Variants in NLRP12 observed in about 807,000 individuals in gnomAD.
The protein encoded by NLRP12 is NLR family pyrin domain containing 12.
In NLRP12, 108 loss-of-function variants were observed where a neutral mutation model predicts 91.2. That is an observed-to-expected ratio of 1.18 (90% CI 1.01 to 1.39). The LOEUF (loss-of-function observed/expected upper bound fraction) is 1.39. Ranked by LOEUF, NLRP12 falls within the 40% of genes most tolerant of loss-of-function variation. The pLI, the probability that NLRP12 is intolerant of heterozygous loss-of-function variation, is 0.00. For missense variants in NLRP12, 1,530 were observed against 1,352.7 expected, an observed-to-expected ratio of 1.13 and a Z score of -2.06; for synonymous variants, 613 against 566.7, an observed-to-expected ratio of 1.08 and a Z score of -1.16.
At chr19:53,823,451 T>A (rs1326119810) in intron 1 of NLRP12, among the ~76,000 whole-genome samples, 11 of 25,338 alleles carry the variant, frequency 4.3e-4, no homozygotes, top group African/African-American at 1.5e-3. Flanking sequence ...ATGTTTTAAA[T>A]ATATATTTTA....
rs1294992079 is a variant in NLRP12, at chr19:53,809,530, A to AAAC, written c.2072+56_2072+57insGTT. 8.1e-6 allele frequency: 11 copies of AAAC among 1,363,064 alleles called. No homozygotes were observed. In the East Asian group the frequency reaches 1.5e-4, roughly 19 times the overall value. The allele number at this position is 1,363,064 out of a possible 1,614,324, so 84.4% of individuals were successfully genotyped here. A position where few individuals can be genotyped will look rare whatever the true frequency, so the allele number is the denominator to read the frequency against. The stretch of plus-strand genomic sequence containing the variant: ...TAGGCAACAGAGCAAAAAAAAAAAA[A>AAAC]AAAAAAAAAAACACACGAACCTAAG... On this transcript the variant is annotated intron_variant, in intron 3 of 9. Transcript: ENST00000324134.
At chr19:53,822,265 T>G (rs1369630629) in intron 1 of NLRP12, among the ~76,000 whole-genome samples, 3 of 152,128 alleles carry the variant, frequency 2.0e-5, no homozygotes, top group East Asian at 1.9e-4. Flanking sequence ...GATATAGATG[T>G]GTGTGTACGT....
At chr19:53,798,092 G>T in intron 8 of NLRP12, 151 bp downstream of exon 8, 1 of 964,648 alleles carries the variant, frequency 1.0e-6, no homozygotes, top group Non-Finnish European at 1.6e-6. Context: ...AGTTCAGAGA[G>T]ACTTCCTGTC....
At chr19:53,818,534 G>T (rs1023025269) in intron 1 of NLRP12, among the ~76,000 whole-genome samples, 1 of 151,640 alleles carries the variant, frequency 6.6e-6, no homozygotes, top group African/African-American at 2.4e-5. Context: ...GCGTGGTGGC[G>T]GGTGCCTGTA....
chr19:53,817,939 C>T (rs990395631), intron 1 of NLRP12, among the ~76,000 whole-genome samples: 11 of 150,928 alleles, frequency 7.3e-5, no homozygotes, highest in African/African-American at 2.4e-4. Context: ...TGTACAACCA[C>T]GACCAGCTAA....
At chr19:53,805,175 G>A in intron 5 of NLRP12, 105 bp downstream of exon 5, 1 of 1,244,820 alleles carries the variant, frequency 8.0e-7, no homozygotes. Context: ...TTAAGGGCCA[G>A]CCCTGATTTA....
chr19:53,800,738 A>G (rs993247417), intron 7 of NLRP12, among the ~76,000 whole-genome samples: 2 of 152,030 alleles, frequency 1.3e-5, no homozygotes, highest in South Asian at 4.1e-4. Flanking sequence ...ATGCACCACC[A>G]TGCCTGGCTA....
intron 2 of NLRP12, among the ~76,000 whole-genome samples, chr19:53,812,382 C>T (rs903755438): frequency 6.7e-6 from 1 of 149,600 alleles, no homozygotes; most frequent in Non-Finnish European, 1.5e-5. Context: ...CACTGCACTC[C>T]AGCCTGGGCG....
chr19:53,806,812 T>G (rs1330541428), intron 4 of NLRP12, among the ~76,000 whole-genome samples: 12 of 149,514 alleles, frequency 8.0e-5, no homozygotes, highest in Non-Finnish European at 1.5e-5. Flanking sequence ...GAGCCATGAT[T>G]GTGCCACTGC....
intron 3 of NLRP12, among the ~76,000 whole-genome samples, chr19:53,809,142 C>T (rs888040754): frequency 7.9e-5 from 12 of 151,166 alleles, no homozygotes; most frequent in African/African-American, 2.9e-4. Context: ...AGGAGAATCG[C>T]TTGAACCCGG....
intron 1 of NLRP12, among the ~76,000 whole-genome samples, chr19:53,816,959 A>G (rs1344280330): frequency 2.0e-5 from 3 of 151,998 alleles, no homozygotes; most frequent in Admixed American, 2.0e-4. Context: ...TTGAATGCAC[A>G]TCAGTGTAAA....
intron 1 of NLRP12, among the ~76,000 whole-genome samples, chr19:53,820,250 C>T (rs530536514): frequency 4.6e-5 from 7 of 152,164 alleles, no homozygotes; most frequent in African/African-American, 1.7e-4. Context: ...ACAGCTCAAG[C>T]AGGGTGCAGT....
At chr19:53,797,226 G>A (rs1750360812) in intron 8 of NLRP12, among the ~76,000 whole-genome samples, 1 of 151,922 alleles carries the variant, frequency 6.6e-6, no homozygotes, top group Admixed American at 6.6e-5. Flanking sequence ...CCACCTCCTG[G>A]GTTCAAGTGA....
Position 53,805,223 on chromosome 19 carries a change from T to C in NLRP12, c.2414+57A>G, listed in dbSNP as rs769008882. 1.3e-4 allele frequency: 203 copies of C among 1,553,264 alleles called. 1 individual carries two copies. The highest frequency in any genetic ancestry group is 4.6e-5 in the Non-Finnish European group (52 of 1,126,110). Reference sequence around the variant, plus strand: ...TGGGGATTACCAGCATTTTGTGATATTTCATGCCCCAGGAGACAATGAGCT... The same window carrying C: ...TGGGGATTACCAGCATTTTGTGATACTTCATGCCCCAGGAGACAATGAGCT... On this transcript the variant is annotated intron_variant, in intron 5 of 9. Coordinates refer to ENST00000324134, the MANE Select transcript of NLRP12 (RefSeq NM_144687.4).
intron 4 of NLRP12, 71 bp from the exon 5 acceptor site, chr19:53,805,521 C>CTTT (rs34166148): frequency 0.011 from 13,413 of 1,168,908 alleles, 2 homozygotes; most frequent in African/African-American, 0.015. Context: ...TTTTCTTTTG[C>CTTT]TTTTTTTTTT....
chr19:53,807,682 C>G lies in NLRP12; in HGVS notation c.2073-17G>C. 1 of 1,614,088 alleles carries G rather than the reference C, an allele frequency of 6.2e-7. No homozygotes were observed. The highest frequency in any genetic ancestry group is 1.1e-5 in the South Asian group (1 of 91,088). ...CTCTCTGGTCTGCTTGAAGGAAAGA[C>G]AGGCCACTCTCTGGTGTTACTGGTG... On this transcript the variant is annotated splice_polypyrimidine_tract_variant and intron_variant, in intron 3 of 9. Coordinates refer to ENST00000324134, the MANE Select transcript of NLRP12 (RefSeq NM_144687.4).
At chr19:53,823,475 A>AT (rs1555800041) in intron 1 of NLRP12, among the ~76,000 whole-genome samples, 17 of 123,138 alleles carry the variant, frequency 1.4e-4, no homozygotes, top group Admixed American at 4.7e-4. Flanking sequence ...ATATATTTAA[A>AT]ATATATATTT....
chr19:53,801,191 T>C, intron 7 of NLRP12, 36 bp downstream of exon 7: 1 of 1,605,320 alleles, frequency 6.2e-7, no homozygotes, highest in Non-Finnish European at 8.5e-7. Context: ...GTTCATGGAT[T>C]GGGACTCCTA....
intron 4 of NLRP12, 99 bp downstream of exon 4, chr19:53,807,396 C>T: frequency 8.1e-7 from 1 of 1,233,704 alleles, no homozygotes. Flanking sequence ...GCAGCCGTAG[C>T]CAACGAATAC....
Sources: allele counts gnomAD v4.1 joint callset (sites outside exome capture counted in the v4.1 genomes callset), GRCh38; gene constraint gnomAD v4.1.1; transcripts MANE v1.5; gene names NCBI Gene and HGNC (gene_info 2026-07-23, HGNC 2026-07-21).